Variants in HACD3 observed in about 807,000 individuals in gnomAD.
HACD3 encodes very-long-chain (3R)-3-hydroxyacyl-CoA dehydratase 3.
Under a neutral mutation model 55.2 loss-of-function variants are expected in HACD3, and 30 were observed. The observed-to-expected ratio is 0.54, with a 90% CI of 0.41 to 0.74. The LOEUF (loss-of-function observed/expected upper bound fraction) is 0.74. HACD3 is among the 30% of genes least tolerant of loss of function. The pLI is 0.00. For missense variants in HACD3, 363 were observed against 440.1 expected, an observed-to-expected ratio of 0.82 and a Z score of 1.57; for synonymous variants, 141 against 151.7, an observed-to-expected ratio of 0.93 and a Z score of 0.52.
At position 65,576,462 on chromosome 15, in the gene HACD3, T is replaced by C; in HGVS notation, c.*83T>C. ...TACCTTCTTGAACCAATGTAAAAGT[T>C]TTTTTAATGTTAAATGATTAAATTC... On this transcript the variant is annotated 3_prime_UTR_variant, in exon 11 of 11. Transcript: ENST00000261875. 1 of 1,381,538 alleles carries C rather than the reference T, an allele frequency of 7.2e-7. No individual in the cohort carries two copies. Among genetic ancestry groups the C allele is most frequent in the Non-Finnish European group, 9.8e-7 (1 of 1,022,806 alleles). The allele number at this position is 1,381,538 out of a possible 1,614,324, so 85.6% of individuals were successfully genotyped here.
chr15:65,533,159 C>T (rs1344179891), intron 1 of HACD3, among the ~76,000 whole-genome samples: 1 of 152,206 alleles, frequency 6.6e-6, no homozygotes, highest in African/African-American at 2.4e-5. Flanking sequence ...ACCAATAACA[C>T]ACCCGTAGTT....
intron 5 of HACD3, 52 bp from the exon 6 acceptor site, chr15:65,562,722 T>C: frequency 6.3e-7 from 1 of 1,589,108 alleles, no homozygotes; most frequent in Non-Finnish European, 8.6e-7. Flanking sequence ...TACACCTGTC[T>C]CCTGCTGGGA....
intron 10 of HACD3, among the ~76,000 whole-genome samples, chr15:65,573,162 C>T (rs1168470297): frequency 2.6e-5 from 4 of 151,950 alleles, no homozygotes; most frequent in African/African-American, 7.2e-5. Context: ...TCATGGAAAA[C>T]CTGCTGACCT....
At chr15:65,559,043 T>C (rs1299828607) in intron 5 of HACD3, among the ~76,000 whole-genome samples, 1 of 152,202 alleles carries the variant, frequency 6.6e-6, no homozygotes, top group Non-Finnish European at 1.5e-5. Flanking sequence ...GTGGAAATGA[T>C]TGCATGGATC....
rs753317826 is a variant in HACD3 at position 65,572,354 on chromosome 15, A to G, written c.1000A>G (p.Met334Val). ...CTTTTTTCTTCAGATTTATCTTATAATGATATTTTTAGGTAAGTATTGATT... is the reference window on the plus strand; with the variant it reads ...CTTTTTTCTTCAGATTTATCTTATAGTGATATTTTTAGGTAAGTATTGATT... ...FSFFLQIYLI[M>V]IFLGLYINFR... Residue 334 changes from methionine to valine, a missense_variant, in exon 10 of 11, where the codon ATG becomes GTG. Transcript: ENST00000261875. The G allele has an allele frequency of 6.2e-7, 1 of 1,605,264 alleles. No individual in the cohort carries two copies. The highest frequency in any genetic ancestry group is 8.5e-7 in the Non-Finnish European group (1 of 1,175,428).
At position 65,575,654 on chromosome 15, in the gene HACD3, C is replaced by T. The variant is rs567251059; in HGVS notation, c.1013-649C>T. Among the ~76,000 whole-genome samples the T allele has an allele frequency of 3.9e-5, 6 of 151,940 alleles. No individual in the cohort carries two copies. In the South Asian group the frequency reaches 1.2e-3, roughly 31 times the overall value. On this transcript the variant is annotated intron_variant, in intron 10 of 10. Coordinates refer to ENST00000261875, the MANE Select transcript of HACD3 (RefSeq NM_016395.4). ...ATATCTGCAACTTAACACTGAAGTG[C>T]ATAAAAAATGAGATGGCTGGAGGGA...
intron 1 of HACD3, among the ~76,000 whole-genome samples, chr15:65,548,816 T>C (rs1277868224): frequency 6.6e-6 from 1 of 152,172 alleles, no homozygotes; most frequent in African/African-American, 2.4e-5. Context: ...TCTTCCTGCG[T>C]AGGCCTCCCG....
At chr15:65,531,443 C>T (rs2071897950) in intron 1 of HACD3, 1 of 152,164 alleles carries the variant, frequency 6.6e-6, no homozygotes, top group Admixed American at 6.5e-5. Context: ...AAGCTGAAGG[C>T]ACGTAGTAGT....
At chr15:65,557,657 G>A (rs185659478) in intron 4 of HACD3, among the ~76,000 whole-genome samples, 1 of 152,112 alleles carries the variant, frequency 6.6e-6, no homozygotes, top group Non-Finnish European at 1.5e-5. Context: ...TATGCTTCCT[G>A]TCCTTTAGAT....
chr15:65,543,087 A>G (rs1196238850), intron 1 of HACD3, among the ~76,000 whole-genome samples: 4 of 151,612 alleles, frequency 2.6e-5, no homozygotes, highest in African/African-American at 4.8e-5. Flanking sequence ...AAAAAAAAAA[A>G]AAGAAAGAAA....
chr15:65,555,037 G>C lies in HACD3; in HGVS notation c.204+77G>C, dbSNP rs996601032. 5.2e-6 allele frequency: 6 copies of C among 1,151,570 alleles called. No individual in the cohort carries two copies. In the African/African-American group the frequency reaches 9.3e-5, roughly 18 times the overall value. The allele number at this position is 1,151,570 out of a possible 1,614,324, so 71.3% of individuals were successfully genotyped here. On this transcript the variant is annotated intron_variant, in intron 3 of 10. Transcript: ENST00000261875. ...GTAGTTTAGTGAAATGGGGAGCAGGGTTTGTGGAGAGAAGAAGATAAAAAC... is the reference window on the plus strand; with the variant it reads ...GTAGTTTAGTGAAATGGGGAGCAGGCTTTGTGGAGAGAAGAAGATAAAAAC...
intron 2 of HACD3, 114 bp downstream of exon 2, chr15:65,551,832 C>A: frequency 2.6e-6 from 3 of 1,152,132 alleles, no homozygotes; most frequent in South Asian, 1.4e-5. Context: ...GATGTTCACG[C>A]CTCTGATCCT....
intron 7 of HACD3, among the ~76,000 whole-genome samples, chr15:65,569,746 A>T (rs2072330339): frequency 6.6e-6 from 1 of 152,236 alleles, no homozygotes; most frequent in Non-Finnish European, 1.5e-5. Flanking sequence ...AACACATGAT[A>T]GTAGTTATTT....
chr15:65,563,829 G>C (rs901972674), intron 6 of HACD3, among the ~76,000 whole-genome samples: 4 of 152,148 alleles, frequency 2.6e-5, no homozygotes, highest in Non-Finnish European at 4.4e-5. Flanking sequence ...AATTAGCTGG[G>C]CATGGTGGTG....
At chr15:65,558,250 C>T (rs563810742) in intron 4 of HACD3, among the ~76,000 whole-genome samples, 7 of 152,086 alleles carry the variant, frequency 4.6e-5, no homozygotes, top group Admixed American at 3.9e-4. Context: ...TTAAGCTAAA[C>T]GTGAGTTCAT....
At chr15:65,550,752 G>C (rs1281069946) in intron 1 of HACD3, 1 of 152,174 alleles carries the variant, frequency 6.6e-6, no homozygotes, top group Non-Finnish European at 1.5e-5. Flanking sequence ...ATGAGGTTGT[G>C]GTCAGATGAC....
intron 1 of HACD3, among the ~76,000 whole-genome samples, chr15:65,546,787 A>G (rs1436853971): frequency 6.6e-6 from 1 of 152,114 alleles, no homozygotes; most frequent in African/African-American, 2.4e-5. Context: ...AAAATAAAAC[A>G]TTGGGGTGAA....
intron 2 of HACD3, 133 bp from the exon 3 acceptor site, chr15:65,554,754 A>G (rs953570580): frequency 7.1e-6 from 4 of 566,744 alleles, no homozygotes; most frequent in South Asian, 3.8e-5. Context: ...CAGCCTGGGC[A>G]ACAGAGCAAG....
chr15:65,576,187 C>T, intron 10 of HACD3, 116 bp from the exon 11 acceptor site: 2 of 1,452,134 alleles, frequency 1.4e-6, no homozygotes, highest in East Asian at 2.5e-5. Flanking sequence ...TGAGCCGCTG[C>T]AATAAGCTTT....
Sources: allele counts gnomAD v4.1 joint callset (sites outside exome capture counted in the v4.1 genomes callset), GRCh38; gene constraint gnomAD v4.1.1; transcripts MANE v1.5; gene names NCBI Gene and HGNC (gene_info 2026-07-23, HGNC 2026-07-21).